The following MAN2C1 variants were observed in gnomAD, a reference collection of about 807,000 sequenced individuals.
MAN2C1 encodes the protein mannosidase alpha class 2C member 1.
A neutral mutation model predicts 126.9 loss-of-function variants in MAN2C1; 111 were observed. The observed-to-expected ratio is 0.87, with a 90% CI of 0.75 to 1.02. The LOEUF (loss-of-function observed/expected upper bound fraction) is 1.02, where lower values mean the gene tolerates loss of function less well. Ranked by LOEUF, MAN2C1 falls within the 50% of genes least tolerant of loss-of-function variation. The probability of loss-of-function intolerance (pLI) is 0.00; values close to 1 mark genes in which losing one functional copy is unlikely to be tolerated. For missense variants in MAN2C1, 1,363 were observed against 1,364.4 expected (o/e 1.00, Z 0.02); for synonymous variants, 567 against 561.5 (o/e 1.01, Z -0.14).
intron 6 of MAN2C1, chr15:75,363,795 A>G (rs2141336496): frequency 3.4e-6 from 2 of 580,634 alleles, no homozygotes; most frequent in Non-Finnish European, 6.0e-6. Context: ...GACAAGAGTG[A>G]GACTCCGTCT....
Position 75,362,766 on chromosome 15 carries a change from T to A in MAN2C1, c.791-18A>T. The A allele has an allele frequency of 6.2e-7, 1 of 1,608,820 alleles. No individual in the cohort carries two copies. ...AAGCCAGGCTATACGGGGAGTGAGGTGGAGGACAGAGGGAGCAGCAAGGCT... is the reference window on the plus strand; with the variant it reads ...AAGCCAGGCTATACGGGGAGTGAGGAGGAGGACAGAGGGAGCAGCAAGGCT... On this transcript the variant is annotated intron_variant, in intron 6 of 25. Coordinates refer to ENST00000267978, the MANE Select transcript of MAN2C1 (RefSeq NM_006715.4). The surrounding 1 kb of genome is among the most constrained non-coding windows in gnomAD (Gnocchi z 4.5).
Position 75,356,220 on chromosome 15 carries a change from C to T in MAN2C1, c.2887-1G>A, listed in dbSNP as rs762574731. The T allele has an allele frequency of 1.9e-6, 3 of 1,613,124 alleles. No individual in the cohort carries two copies. Among genetic ancestry groups the T allele is most frequent in the South Asian group, 2.2e-5 (2 of 91,016 alleles). On this transcript the variant is annotated splice_acceptor_variant, in intron 24 of 25. Transcript: ENST00000267978. LOFTEE classifies it high-confidence loss of function. The surrounding 1 kb of genome is among the most constrained non-coding windows in gnomAD (Gnocchi z 5.8). ...AGCGGCGCTGGGGGCTGCTCTCCGC[C>T]TGCAGAGGAACACGTCTGGTGGGAG... is the stretch of plus-strand genomic sequence containing the variant.
intron 20 of MAN2C1, 46 bp from the exon 21 acceptor site, chr15:75,358,390 C>A: frequency 6.2e-7 from 1 of 1,613,660 alleles, no homozygotes; most frequent in Admixed American, 1.7e-5. Context: ...AAGAGACACA[C>A]CAAGGCCTGG....
intron 3 of MAN2C1, among the ~76,000 whole-genome samples, chr15:75,366,827 T>C (rs2072585577): frequency 6.6e-6 from 1 of 152,184 alleles, no homozygotes. Context: ...ACCCATGGTC[T>C]TATGGGAAGG....
intron 6 of MAN2C1, chr15:75,363,621 C>T (rs56258187): frequency 0.028 from 9,259 of 328,606 alleles, 179 homozygotes; most frequent in Non-Finnish European, 0.037. Context: ...GCCTGGCCAA[C>T]GTGGTGAAAC....
chr15:75,362,550 G>C lies in MAN2C1; in HGVS notation c.897+92C>G. On this transcript the variant is annotated intron_variant, in intron 7 of 25. Coordinates refer to ENST00000267978, the MANE Select transcript of MAN2C1 (RefSeq NM_006715.4). The surrounding 1 kb of genome is among the most constrained non-coding windows in gnomAD (Gnocchi z 4.5). ...AGTGTGTGGCTGAGGGTGAGGAGCA[G>C]CCCTGACCCCAGGCCTGGGAAGCCT... The C allele has an allele frequency of 6.6e-7, 1 of 1,522,350 alleles. No homozygotes were observed. Among genetic ancestry groups the C allele is most frequent in the Non-Finnish European group, 9.0e-7 (1 of 1,109,704 alleles). 94.3% of individuals were successfully genotyped at this position (1,522,350 alleles called of 1,614,324 possible). A position where few individuals can be genotyped will look rare whatever the true frequency, so the allele number is the denominator to read the frequency against.
In MAN2C1 at chr15:75,362,352, C is replaced by A; in HGVS notation, c.999G>T (p.Trp333Cys). Residue 333 changes from tryptophan (W) to cysteine (C), a missense_variant, in exon 8 of 26, where the codon TGG (tryptophan) becomes TGT (cysteine). Physicochemically the swap from Trp to Cys is radical, Grantham distance 215. Coordinates refer to ENST00000267978, the MANE Select transcript of MAN2C1 (RefSeq NM_006715.4). This position sits in a 1 kb window ranked among gnomAD's most constrained non-coding sequence, Gnocchi z 4.5. ...TGCCCAGTGCACTTACCATCTCCAC[C>A]CAGGTGCCCCCCACAGGCACAAACT... Reference protein sequence around the residue: ...RGQFVPVGGTWVEMDGNLPSG... With the variant: ...RGQFVPVGGTCVEMDGNLPSG... 6.2e-7 allele frequency: 1 copy of A among 1,613,800 alleles called. No individual in the cohort carries two copies. Among genetic ancestry groups the A allele is most frequent in the South Asian group, 1.1e-5 (1 of 91,082 alleles).
intron 19 of MAN2C1, 39 bp from the exon 20 acceptor site, chr15:75,358,657 T>G: frequency 7.2e-7 from 1 of 1,388,520 alleles, no homozygotes; most frequent in African/African-American, 1.8e-5. Context: ...CAGAGCAGCC[T>G]GTGTTCCCAC....
Position 75,361,486 on chromosome 15 carries a change from G to A in MAN2C1, c.1219-105C>T. ...TGCCCCTGCCTGCTATGTGACCCTG[G>A]CAGAGGCAGAGTGAGGGTTTGGTGG... On this transcript the variant is annotated intron_variant, in intron 10 of 25. Transcript: ENST00000267978. The surrounding 1 kb of genome is among the most constrained non-coding windows in gnomAD (Gnocchi z 5.0). 8.0e-7 allele frequency: 1 copy of A among 1,256,750 alleles called. No individual in the cohort carries two copies. Among genetic ancestry groups the A allele is most frequent in the Non-Finnish European group, 1.2e-6 (1 of 858,590 alleles). 77.8% of individuals were successfully genotyped at this position (1,256,750 alleles called of 1,614,324 possible).
Position 75,356,395 on chromosome 15 carries a change from A to T in MAN2C1, c.2792T>A (p.Leu931Gln). Residue 931 changes from leucine to glutamine, a missense_variant, in exon 24 of 26, where the codon CTG becomes CAG. Physicochemically the swap from Leu to Gln is moderately radical, Grantham distance 113 (BLOSUM62 -2). Around this residue, in one of 3 missense-constraint regions of MAN2C1, gnomAD observed 668 missense variants for 650.1 expected, o/e 1.03. Coordinates refer to ENST00000267978, the MANE Select transcript of MAN2C1 (RefSeq NM_006715.4). This position sits in a 1 kb window ranked among gnomAD's most constrained non-coding sequence, Gnocchi z 5.8. ...IQAAYSLNFP[L>Q]LALPAPSPAP... Reference sequence around the variant, plus strand: ...TGGGCTGGGGGCTGGCAGAGCCAACAGGGGGAAGTTTAGGCTGTAGGCAGC... The same window carrying T: ...TGGGCTGGGGGCTGGCAGAGCCAACTGGGGGAAGTTTAGGCTGTAGGCAGC... 6.2e-7 allele frequency: 1 copy of T among 1,610,650 alleles called. No individual in the cohort carries two copies. The highest frequency in any genetic ancestry group is 8.5e-7 in the Non-Finnish European group (1 of 1,178,788).
At position 75,356,493 on chromosome 15, in the gene MAN2C1, A is replaced by G. The variant is rs1229945461; in HGVS notation, c.2738-44T>C. 6.4e-7 allele frequency: 1 copy of G among 1,567,772 alleles called. No individual in the cohort carries two copies. ...ACAATGCTGGTGGAGAATGGGGGCTACCCTCCCCTGTCCCTAGAAGGGGCA... is the reference window on the plus strand; with the variant it reads ...ACAATGCTGGTGGAGAATGGGGGCTGCCCTCCCCTGTCCCTAGAAGGGGCA... On this transcript the variant is annotated intron_variant, in intron 23 of 25. Transcript: ENST00000267978. The surrounding 1 kb of genome is among the most constrained non-coding windows in gnomAD (Gnocchi z 5.8).
In MAN2C1 at chr15:75,355,847, G is replaced by A. The variant is rs2072274426; in HGVS notation, c.*59C>T. 1 of 1,600,332 alleles carries A rather than the reference G, an allele frequency of 6.2e-7. No individual in the cohort carries two copies. Among genetic ancestry groups the A allele is most frequent in the Non-Finnish European group, 8.5e-7 (1 of 1,171,230 alleles). On this transcript the variant is annotated 3_prime_UTR_variant, in exon 26 of 26. Coordinates refer to ENST00000267978, the MANE Select transcript of MAN2C1 (RefSeq NM_006715.4). Reference sequence around the variant, plus strand: ...AAGACTGATCCCTGCTTTAGGCTGGGGAAGCAGAAATTAGGAGTCCCCAGA... The same window carrying A: ...AAGACTGATCCCTGCTTTAGGCTGGAGAAGCAGAAATTAGGAGTCCCCAGA...
At position 75,355,985 on chromosome 15, in the gene MAN2C1, C is replaced by G; in HGVS notation, c.3044G>C (p.Arg1015Pro). 1 of 1,614,026 alleles carries G rather than the reference C, an allele frequency of 6.2e-7. No individual in the cohort carries two copies. The highest frequency in any genetic ancestry group is 1.1e-5 in the South Asian group (1 of 91,042). Residue 1015 changes from arginine (R) to proline (P), a missense_variant, in exon 26 of 26, where the codon CGG becomes CCG. Arg to Pro is a moderately radical substitution (Grantham distance 103). This residue lies in a region of MAN2C1 where 668 missense variants were observed against 650.1 expected (regional missense o/e 1.03). Transcript: ENST00000267978. ...AAAGGTGAGCTTCAGGCGGTTGTCCCGAAGGGTCAAGTGGCCAGCAGGGTC... is the reference window on the plus strand; with the variant it reads ...AAAGGTGAGCTTCAGGCGGTTGTCCGGAAGGGTCAAGTGGCCAGCAGGGTC... ...RPDPAGHLTL[R>P]DNRLKLTFSP...
chr15:75,363,998 C>T lies in MAN2C1; in HGVS notation c.790+1G>A. The T allele has an allele frequency of 6.2e-7, 1 of 1,614,042 alleles. No homozygotes were observed. ...GCCAGCCCAACCAGCTGCTGTCCTA[C>T]CTGTATCAATGTGGCAGTGCCCTGT... On this transcript the variant is annotated splice_donor_variant, in intron 6 of 25. Transcript: ENST00000267978. LOFTEE classifies it high-confidence loss of function.
In MAN2C1 at chr15:75,360,203, C is replaced by A; in HGVS notation, c.1593G>T (p.Lys531Asn). ...GTYTTHAQIK[K>N]GNRECERILH... is the part of the protein sequence containing the mutation. ...GGATCCGCTCACATTCCCGGTTCCC[C>A]TTCTTGATCTGAGCCCAGGATGGGA... The change falls in exon 14 of 26, where the codon AAG becomes AAT. Residue 531 changes from lysine to asparagine, a missense_variant. Around this residue, in one of 3 missense-constraint regions of MAN2C1, gnomAD observed 67 missense variants for 104.5 expected, o/e 0.64. Coordinates refer to ENST00000267978, the MANE Select transcript of MAN2C1 (RefSeq NM_006715.4). 1 of 1,609,548 alleles carries A rather than the reference C, an allele frequency of 6.2e-7. No individual in the cohort carries two copies. Among genetic ancestry groups the A allele is most frequent in the Non-Finnish European group, 8.5e-7 (1 of 1,179,968 alleles).
Position 75,368,178 on chromosome 15 carries a change from G to A in MAN2C1, c.122C>T (p.Pro41Leu), listed in dbSNP as rs1177437786. ...LRGRLFGASC[P>L]VAVLSSFLTP... The stretch of plus-strand genomic sequence containing the variant: ...CAGGAAGCTGGAGAGCACAGCCACA[G>A]GGCAGCTGGCCCCAAAAAGCCTGCG... Residue 41 changes from proline (P) to leucine (L), a missense_variant, in exon 2 of 26, where the codon CCT (proline) becomes CTT (leucine). Physicochemically the swap from Pro to Leu is moderately conservative, Grantham distance 98. Around this residue, in one of 3 missense-constraint regions of MAN2C1, gnomAD observed 628 missense variants for 609.8 expected, o/e 1.03. Transcript: ENST00000267978. 5 of 1,604,550 alleles carry A rather than the reference G, an allele frequency of 3.1e-6. No individual in the cohort carries two copies. The highest frequency in any genetic ancestry group is 4.2e-6 in the Non-Finnish European group (5 of 1,177,400).
chr15:75,361,511 G>T lies in MAN2C1; in HGVS notation c.1218+93C>A. 1 of 1,269,046 alleles carries T rather than the reference G, an allele frequency of 7.9e-7. No homozygotes were observed. Among genetic ancestry groups the T allele is most frequent in the Non-Finnish European group, 1.2e-6 (1 of 868,940 alleles). The allele number at this position is 1,269,046 out of a possible 1,614,324, so 78.6% of individuals were successfully genotyped here. On this transcript the variant is annotated intron_variant, in intron 10 of 25. Transcript: ENST00000267978. This position sits in a 1 kb window ranked among gnomAD's most constrained non-coding sequence, Gnocchi z 5.0. ...GCAGAGGCAGAGTGAGGGTTTGGTG[G>T]TCTGTCTAGGACCCCACAATAAGGG...
chr15:75,359,416 G>C lies in MAN2C1; in HGVS notation c.1958C>G (p.Thr653Arg), dbSNP rs570640710. ...PGGAHSLALV[T>R]VPSMGYAPVP... The stretch of plus-strand genomic sequence containing the variant: ...AGGAGCATAGCCCATGCTGGGCACT[G>C]TCACCAGGGCTGGGGGTGAGGCCTG... The change falls in exon 17 of 26, where the codon ACA becomes AGA. Residue 653 changes from threonine to arginine, a missense_variant. Transcript: ENST00000267978. 6.2e-7 allele frequency: 1 copy of C among 1,610,918 alleles called. No homozygotes were observed. Among genetic ancestry groups the C allele is most frequent in the African/African-American group, 1.3e-5 (1 of 74,998 alleles).
intron 6 of MAN2C1, 71 bp downstream of exon 6, chr15:75,363,928 C>T: frequency 4.5e-6 from 7 of 1,540,346 alleles, no homozygotes; most frequent in South Asian, 3.4e-5. Flanking sequence ...TCACACAGTG[C>T]TTCTAGGGCA....
Sources: allele counts gnomAD v4.1 joint callset (sites outside exome capture counted in the v4.1 genomes callset), GRCh38; gene constraint gnomAD v4.1.1; regional missense constraint gnomAD v4.1.1; non-coding constraint Gnocchi (gnomAD v3.1); transcripts MANE v1.5; gene names NCBI Gene and HGNC (gene_info 2026-07-23, HGNC 2026-07-21).